OR1J2: variants seen among roughly 807,000 people sequenced by gnomAD.
OR1J2 encodes olfactory receptor family 1 subfamily J member 2.
For missense variants in OR1J2, 304 were observed against 246.1 expected, an observed-to-expected ratio of 1.24 and a Z score of -1.57; for synonymous variants, 142 against 99.7, an observed-to-expected ratio of 1.42 and a Z score of -2.52.
chr9:122,575,714 G>A, the OR1J2 span, among the ~76,000 whole-genome samples: 1 of 152,114 alleles, frequency 6.6e-6, no homozygotes, highest in South Asian at 2.1e-4. Context: ...TTATTATGAA[G>A]CAGATTAACA....
chr9:122,531,803 G>C, the OR1J2 span, among the ~76,000 whole-genome samples: 1 of 152,156 alleles, frequency 6.6e-6, no homozygotes, highest in African/African-American at 2.4e-5. Flanking sequence ...TATAGAGGTG[G>C]GAAGGCCAAA....
the OR1J2 span, among the ~76,000 whole-genome samples, chr9:122,503,456 TG>T: frequency 3.3e-5 from 5 of 152,228 alleles, no homozygotes; most frequent in African/African-American, 1.2e-4. Context: ...GTTGGACTCA[TG>T]CATAGCCTCT....
At chr9:122,499,532 A>C in the OR1J2 span, among the ~76,000 whole-genome samples, 1 of 151,998 alleles carries the variant, frequency 6.6e-6, no homozygotes, top group Non-Finnish European at 1.5e-5. Context: ...GGGTGGAGGC[A>C]ACTCAGGTTG....
At chr9:122,579,201 ATTAT>A in the OR1J2 span, among the ~76,000 whole-genome samples, 1 of 152,034 alleles carries the variant, frequency 6.6e-6, no homozygotes. Context: ...GTGTGGACTA[ATTAT>A]TTGATAGCAT....
the OR1J2 span, among the ~76,000 whole-genome samples, chr9:122,523,128 A>G: frequency 6.6e-6 from 1 of 152,182 alleles, no homozygotes; most frequent in Non-Finnish European, 1.5e-5. Flanking sequence ...GTAATTCTTC[A>G]GTTGGGGGTT....
chr9:122,534,341 GTT>G, the OR1J2 span, among the ~76,000 whole-genome samples: 1 of 152,120 alleles, frequency 6.6e-6, no homozygotes, highest in Non-Finnish European at 1.5e-5. Context: ...GAATAAGATG[GTT>G]TTTTGACTTT....
the OR1J2 span, among the ~76,000 whole-genome samples, chr9:122,537,785 G>A: frequency 6.6e-6 from 1 of 152,168 alleles, no homozygotes; most frequent in Non-Finnish European, 1.5e-5. Context: ...ACACACCAAG[G>A]ATAAGGTCAG....
chr9:122,476,872 AT>A, the OR1J2 span: 2 of 631,112 alleles, frequency 3.2e-6, no homozygotes, highest in Non-Finnish European at 5.5e-6. Flanking sequence ...TGCCCGGCTA[AT>A]TTTTTTGTAT....
chr9:122,535,319 G>A, the OR1J2 span, among the ~76,000 whole-genome samples: 2 of 152,124 alleles, frequency 1.3e-5, no homozygotes, highest in Non-Finnish European at 2.9e-5. Context: ...GACCAAGGCC[G>A]GCGTCCCTGC....
the OR1J2 span, among the ~76,000 whole-genome samples, chr9:122,565,357 G>A: frequency 7.9e-5 from 12 of 152,306 alleles, no homozygotes; most frequent in East Asian, 2.3e-3. Flanking sequence ...TTAATAAGTG[G>A]ATAGGATGAC....
At chr9:122,456,941 A>T in the OR1J2 span, among the ~76,000 whole-genome samples, 2 of 152,204 alleles carry the variant, frequency 1.3e-5, no homozygotes, top group Non-Finnish European at 2.9e-5. Flanking sequence ...TTGCAGCACT[A>T]CTCACAATAG....
At chr9:122,579,345 G>A in the OR1J2 span, among the ~76,000 whole-genome samples, 1 of 151,902 alleles carries the variant, frequency 6.6e-6, no homozygotes, top group African/African-American at 2.4e-5. Flanking sequence ...TTTAAAAATT[G>A]AATACATTTA....
the OR1J2 span, among the ~76,000 whole-genome samples, chr9:122,473,687 C>A: frequency 7.2e-6 from 1 of 139,170 alleles, no homozygotes; most frequent in Non-Finnish European, 1.5e-5. Flanking sequence ...AAACTGGTCA[C>A]GGGACTGTCA....
At chr9:122,553,067 T>G in the OR1J2 span, 10 of 805,264 alleles carry the variant, frequency 1.2e-5, no homozygotes, top group East Asian at 2.5e-4. Flanking sequence ...TCAGAGATTC[T>G]TATTGGCAAA....
chr9:122,535,622 TG>T, the OR1J2 span, among the ~76,000 whole-genome samples: 1 of 151,952 alleles, frequency 6.6e-6, no homozygotes, highest in Non-Finnish European at 1.5e-5. Flanking sequence ...ATTGGTGAGA[TG>T]TTTCTTGGGC....
chr9:122,538,512 C>G, the OR1J2 span, among the ~76,000 whole-genome samples: 1 of 152,152 alleles, frequency 6.6e-6, no homozygotes, highest in Non-Finnish European at 1.5e-5. Flanking sequence ...AGTCGCTTAT[C>G]AGATCGGTGA....
the OR1J2 span, among the ~76,000 whole-genome samples, chr9:122,473,245 C>G: frequency 1.3e-5 from 2 of 152,160 alleles, no homozygotes; most frequent in African/African-American, 4.8e-5. Flanking sequence ...ATCTCAGCTC[C>G]AACCCTCTGT....
the OR1J2 span, among the ~76,000 whole-genome samples, chr9:122,521,120 A>C: frequency 6.6e-6 from 1 of 152,218 alleles, no homozygotes; most frequent in South Asian, 2.1e-4. Context: ...TAGGTGAAAA[A>C]AGTTCTGCAA....
chr9:122,450,729 C>T, the OR1J2 span, among the ~76,000 whole-genome samples: 6 of 152,174 alleles, frequency 3.9e-5, no homozygotes, highest in African/African-American at 1.4e-4. Flanking sequence ...ACCCTTTAAG[C>T]AGTGTTTTGC....
Sources: allele counts gnomAD v4.1 joint callset (sites outside exome capture counted in the v4.1 genomes callset), GRCh38; gene constraint gnomAD v4.1.1; transcripts MANE v1.5; gene names NCBI Gene and HGNC (gene_info 2026-07-23, HGNC 2026-07-21).